ABTB2: variants seen among roughly 807,000 people sequenced by gnomAD.
ABTB2 encodes the protein ankyrin repeat and BTB domain containing 2.
In ABTB2, 56 loss-of-function variants were observed where a neutral mutation model predicts 104.1. That is an observed-to-expected ratio of 0.54 (90% confidence interval 0.43 to 0.67). ABTB2 has a LOEUF of 0.67. Among genes scored for constraint, ABTB2 ranks in the 30% least tolerant of loss-of-function variants. The pLI is 0.00. For synonymous variants in ABTB2, 606 were observed against 608.2 expected, an observed-to-expected ratio of 1.00 and a Z score of 0.05; for missense variants, 1,279 against 1,407.7, an observed-to-expected ratio of 0.91 and a Z score of 1.46.
chr11:34,167,894 C>A lies in ABTB2; in HGVS notation c.1653+9G>T. The A allele has an allele frequency of 1.2e-6, 2 of 1,614,052 alleles. No homozygotes were observed. The highest frequency in any genetic ancestry group is 1.7e-6 in the Non-Finnish European group (2 of 1,179,916). ...AGGGCCTGGGTGCAGCTCTGTGGGG[C>A]TTCCTCACCTGGATGTCCAAGTTTG... is the stretch of plus-strand genomic sequence containing the variant. On this transcript the variant is annotated intron_variant, in intron 6 of 16. Transcript: ENST00000435224.
In ABTB2 at chr11:34,293,588, G is replaced by A. The variant is rs544832321; in HGVS notation, c.883+63113C>T. 3.0e-4 allele frequency among the ~76,000 whole-genome samples: 45 copies of A among 152,262 alleles called. 1 individual carries two copies. The highest frequency in any genetic ancestry group is 7.0e-4 in the African/African-American group (29 of 41,538). On this transcript the variant is annotated intron_variant, in intron 1 of 16. Transcript: ENST00000435224. ...AGGCGCCAAGTGCAGGAACTGTTCC[G>A]GGAAGGAATAAGTGCCCAGCTGTGT...
In ABTB2 at chr11:34,201,513, C is replaced by T. The variant is rs140398924; in HGVS notation, c.1030+3031G>A. ...AGAAAAAGCACAAGTCCCAAAACTC[C>T]GTGTGAAGCTGGATCTCATACAAGA... On this transcript the variant is annotated intron_variant, in intron 2 of 16. Coordinates refer to ENST00000435224, the MANE Select transcript of ABTB2 (RefSeq NM_145804.3). Among the ~76,000 whole-genome samples, 73 of 152,272 alleles carry T rather than the reference C, an allele frequency of 4.8e-4. 3 individuals carry two copies. In the East Asian group the frequency reaches 0.012, roughly 25 times the overall value.
chr11:34,351,046 G>A (rs373130636), intron 1 of ABTB2, among the ~76,000 whole-genome samples: 3 of 152,270 alleles, frequency 2.0e-5, no homozygotes, highest in Non-Finnish European at 2.9e-5. Flanking sequence ...AAATAGAGGC[G>A]AAGCATCTAC....
chr11:34,343,033 G>C (rs1044680572), intron 1 of ABTB2, among the ~76,000 whole-genome samples: 1 of 151,850 alleles, frequency 6.6e-6, no homozygotes, highest in Non-Finnish European at 1.5e-5. Context: ...GCAGTGGTGC[G>C]ATCTTGGCTC....
At chr11:34,156,759 G>A (rs1022407830) in intron 14 of ABTB2, among the ~76,000 whole-genome samples, 6 of 152,138 alleles carry the variant, frequency 3.9e-5, no homozygotes, top group African/African-American at 7.2e-5. Flanking sequence ...CCCAACCTCA[G>A]GTGATCTGCC....
At chr11:34,258,918 T>C (rs1854155919) in intron 1 of ABTB2, among the ~76,000 whole-genome samples, 1 of 152,160 alleles carries the variant, frequency 6.6e-6, no homozygotes, top group Non-Finnish European at 1.5e-5. Context: ...CCTGCTCTTG[T>C]TAGGGAAGTG....
intron 1 of ABTB2, among the ~76,000 whole-genome samples, chr11:34,294,312 C>G (rs1160358814): frequency 1.3e-5 from 2 of 152,120 alleles, no homozygotes; most frequent in African/African-American, 4.8e-5. Context: ...GCTTGGGCAA[C>G]AGAGCGAGAC....
intron 1 of ABTB2, among the ~76,000 whole-genome samples, chr11:34,315,027 C>A (rs1237241479): frequency 6.6e-6 from 1 of 152,200 alleles, no homozygotes; most frequent in Non-Finnish European, 1.5e-5. Flanking sequence ...GATTATCTTA[C>A]CCTCTTTTCA....
rs1554980662 is a variant in ABTB2 at position 34,172,395 on chromosome 11, A to AAAAT, written c.1397+759_1397+760insATTT. 8.6e-4 allele frequency among the ~76,000 whole-genome samples: 25 copies of AAAAT among 29,054 alleles called. 1 individual carries two copies. The highest frequency in any genetic ancestry group is 2.2e-3 in the African/African-American group (22 of 10,172). The allele number at this position is 29,054 out of a possible 152,430, so 19.1% of individuals were successfully genotyped here. ...TCAAAAAAAAAAAAAAAAAAAAAAA[A>AAAAT]ATATATATATATATATATATATATG... On this transcript the variant is annotated intron_variant, in intron 4 of 16. Coordinates refer to ENST00000435224, the MANE Select transcript of ABTB2 (RefSeq NM_145804.3).
chr11:34,293,184 C>T (rs1694793768), intron 1 of ABTB2, among the ~76,000 whole-genome samples: 1 of 152,060 alleles, frequency 6.6e-6, no homozygotes, highest in Non-Finnish European at 1.5e-5. Context: ...GCTAGGTTTT[C>T]AGCAGAGTAA....
intron 1 of ABTB2, among the ~76,000 whole-genome samples, chr11:34,259,364 G>A (rs12289607): frequency 0.1 from 15,415 of 152,198 alleles, 1,769 homozygotes; most frequent in African/African-American, 0.29. Flanking sequence ...GGAAGATAAG[G>A]GAGGAAATGT....
chr11:34,301,782 G>A (rs549742927), intron 1 of ABTB2, among the ~76,000 whole-genome samples: 2 of 152,314 alleles, frequency 1.3e-5, no homozygotes, highest in South Asian at 4.1e-4. Flanking sequence ...CCAAGAGTTT[G>A]AGACCAGCCT....
chr11:34,238,492 G>C (rs572564261), intron 1 of ABTB2, among the ~76,000 whole-genome samples: 68 of 152,200 alleles, frequency 4.5e-4, no homozygotes, highest in Non-Finnish European at 5.9e-4. Context: ...CTGGGATACA[G>C]TAGGTACTCA....
intron 3 of ABTB2, among the ~76,000 whole-genome samples, chr11:34,186,411 C>G (rs550057216): frequency 7.2e-5 from 11 of 152,370 alleles, no homozygotes; most frequent in African/African-American, 1.4e-4. Context: ...GTCCTCCCCC[C>G]ATCCTGAGGG....
chr11:34,279,495 T>A lies in ABTB2; in HGVS notation c.884-74805A>T, dbSNP rs568281121. Among the ~76,000 whole-genome samples the A allele has an allele frequency of 3.0e-4, 45 of 152,342 alleles. No individual in the cohort carries two copies. In the South Asian group the frequency reaches 9.1e-3, roughly 31 times the overall value. On this transcript the variant is annotated intron_variant, in intron 1 of 16. Coordinates refer to ENST00000435224, the MANE Select transcript of ABTB2 (RefSeq NM_145804.3). ...GAAATGAGACCAGAGAAGTCAAAGA[T>A]CCAGACAGAGTTAGGGGCAAAGCCA...
intron 1 of ABTB2, chr11:34,335,291 GTA>G (rs1004385449): frequency 9.5e-6 from 12 of 1,263,198 alleles, no homozygotes; most frequent in Non-Finnish European, 1.3e-5. Flanking sequence ...ATTGTTGTTT[GTA>G]TATGGTCCAA....
intron 1 of ABTB2, among the ~76,000 whole-genome samples, chr11:34,208,604 A>C (rs960040880): frequency 6.6e-6 from 1 of 151,934 alleles, no homozygotes; most frequent in Non-Finnish European, 1.5e-5. Context: ...ACAGAACCCT[A>C]ATCTTCCATT....
At chr11:34,338,249 C>T (rs923044117) in intron 1 of ABTB2, among the ~76,000 whole-genome samples, 5 of 150,458 alleles carry the variant, frequency 3.3e-5, no homozygotes, top group African/African-American at 4.9e-5. Context: ...GGTGTGGTGG[C>T]GCATGCCTGT....
intron 13 of ABTB2, 139 bp from the exon 14 acceptor site, chr11:34,159,525 T>G: frequency 3.1e-6 from 2 of 653,226 alleles, no homozygotes; most frequent in Non-Finnish European, 5.4e-6. Flanking sequence ...TAAAATAATT[T>G]TCAGCAAGTG....
Sources: allele counts gnomAD v4.1 joint callset (sites outside exome capture counted in the v4.1 genomes callset), GRCh38; gene constraint gnomAD v4.1.1; transcripts MANE v1.5; gene names NCBI Gene and HGNC (gene_info 2026-07-23, HGNC 2026-07-21).